The following MNDA variants were observed in gnomAD, a reference collection of about 807,000 sequenced individuals.
MNDA encodes the protein epididymis secretory sperm binding protein.
In MNDA, 43 loss-of-function variants were observed where a neutral mutation model predicts 37.8. The ratio of observed to expected loss-of-function variants is 1.14; its 90% CI spans 0.89 to 1.47. The LOEUF is 1.47. Ranked by LOEUF, MNDA falls within the 40% of genes most tolerant of loss-of-function variation. The pLI, the probability that MNDA is intolerant of heterozygous loss-of-function variation, is 0.00. For missense variants in MNDA, 536 were observed against 476.0 expected (o/e 1.13, Z -1.17); for synonymous variants, 181 against 169.0 (o/e 1.07, Z -0.55).
At chr1:158,843,557 A>G in intron 3 of MNDA, 142 bp downstream of exon 3, 3 of 923,964 alleles carry the variant, frequency 3.2e-6, no homozygotes, top group Non-Finnish European at 3.1e-6. Flanking sequence ...GTAAAGAGTT[A>G]GGTATCGTAA....
chr1:158,844,003 G>T lies in MNDA; in HGVS notation c.451G>T (p.Val151Leu). Residue 151 changes from valine to leucine, a missense_variant, in exon 4 of 7, where the codon GTG becomes TTG. Transcript: ENST00000368141. ...KEKTEAKRNK[V>L]SQEQSKPPGP... ...AAAGACTGAAGCCAAAAGGAATAAG[G>T]TGTCCCAAGAGCAGAGTAAGCCCCC... 6.2e-7 allele frequency: 1 copy of T among 1,612,094 alleles called. No homozygotes were observed. The highest frequency in any genetic ancestry group is 8.5e-7 in the Non-Finnish European group (1 of 1,179,414).
intron 1 of MNDA, among the ~76,000 whole-genome samples, chr1:158,837,857 C>G (rs1040013264): frequency 2.0e-5 from 3 of 148,992 alleles, no homozygotes; most frequent in African/African-American, 7.4e-5. Flanking sequence ...TTATGTTCTT[C>G]TATTCCTTTG....
At chr1:158,846,288 G>C (rs1659132579) in intron 5 of MNDA, among the ~76,000 whole-genome samples, 1 of 152,206 alleles carries the variant, frequency 6.6e-6, no homozygotes, top group African/African-American at 2.4e-5. Flanking sequence ...ATCAACGGGA[G>C]CAAGCTAATA....
chr1:158,831,652 G>A (rs1571647911), intron 1 of MNDA, 95 bp downstream of exon 1: 1 of 152,252 alleles, frequency 6.6e-6, no homozygotes, highest in South Asian at 2.1e-4. Context: ...GACCAGAAGT[G>A]TTGTTATCAA....
At chr1:158,840,620 T>A (rs1402918623) in intron 1 of MNDA, among the ~76,000 whole-genome samples, 1 of 152,164 alleles carries the variant, frequency 6.6e-6, no homozygotes, top group African/African-American at 2.4e-5. Context: ...ACCGCACAAA[T>A]CTTTTCATCC....
intron 1 of MNDA, among the ~76,000 whole-genome samples, chr1:158,834,010 TG>T (rs551913229): frequency 9.1e-4 from 139 of 152,266 alleles, no homozygotes; most frequent in African/African-American, 3.1e-3. Flanking sequence ...TCACCAACAC[TG>T]GTTATTTTCT....
intron 1 of MNDA, among the ~76,000 whole-genome samples, chr1:158,840,825 T>C (rs1659017057): frequency 6.6e-6 from 1 of 152,182 alleles, no homozygotes. Flanking sequence ...TGCCCATGTG[T>C]GAAATTTCTC....
At position 158,849,173 on chromosome 1, in the gene MNDA, C is replaced by T. The variant is rs373639519; in HGVS notation, c.1177-17C>T. On this transcript the variant is annotated splice_polypyrimidine_tract_variant and intron_variant, in intron 6 of 6. Coordinates refer to ENST00000368141, the MANE Select transcript of MNDA (RefSeq NM_002432.3). ...ATATCTAGGGTCTCATTATGTCTTT[C>T]TTATCTCTCTTTAAAGGTCATCAAG... is the stretch of plus-strand genomic sequence containing the variant. 7.5e-6 allele frequency: 12 copies of T among 1,598,694 alleles called. No homozygotes were observed. In the African/African-American group the frequency reaches 1.5e-4, roughly 20 times the overall value.
intron 6 of MNDA, 41 bp downstream of exon 6, chr1:158,847,957 A>AAAT (rs1659174351): frequency 6.3e-7 from 1 of 1,577,632 alleles, no homozygotes; most frequent in Admixed American, 1.8e-5. Context: ...CTAAAGAGGC[A>AAAT]AATAATTTTG....
At chr1:158,842,964 AT>A (rs766320672) in intron 2 of MNDA, among the ~76,000 whole-genome samples, 82 of 152,322 alleles carry the variant, frequency 5.4e-4, no homozygotes, top group Non-Finnish European at 1.0e-3. Context: ...AGCCTTAGAT[AT>A]TTAAAAGAAA....
At position 158,842,102 on chromosome 1, in the gene MNDA, G is replaced by C. The variant is rs372938745; in HGVS notation, c.-20-32G>C. The C allele has an allele frequency of 3.9e-6, 6 of 1,529,488 alleles. No individual in the cohort carries two copies. In the African/African-American group the frequency reaches 8.4e-5, roughly 21 times the overall value. The allele number at this position is 1,529,488 out of a possible 1,614,324, so 94.7% of individuals were successfully genotyped here. On this transcript the variant is annotated intron_variant, in intron 1 of 6. Transcript: ENST00000368141. ...ATTTTTTAAAATTGTCTGCATAAAT[G>C]TGTAATGTTGTGTGTCATTTTTACT...
At chr1:158,847,946 G>A in intron 6 of MNDA, 30 bp downstream of exon 6, 2 of 1,586,078 alleles carry the variant, frequency 1.3e-6, no homozygotes, top group Non-Finnish European at 1.7e-6. Context: ...GAATGAGTTT[G>A]CTAAAGAGGC....
Position 158,843,269 on chromosome 1 carries a change from C to G in MNDA, c.266-10C>G. On this transcript the variant is annotated splice_polypyrimidine_tract_variant and intron_variant, in intron 2 of 6. Coordinates refer to ENST00000368141, the MANE Select transcript of MNDA (RefSeq NM_002432.3). ...AGGCCTATTGTGCCCTTTTTCTTTTCTTTTGTCAGTTGCTAAGAAAATTAA... is the reference window on the plus strand; with the variant it reads ...AGGCCTATTGTGCCCTTTTTCTTTTGTTTTGTCAGTTGCTAAGAAAATTAA... The G allele has an allele frequency of 6.2e-7, 1 of 1,600,020 alleles. No homozygotes were observed. The highest frequency in any genetic ancestry group is 8.5e-7 in the Non-Finnish European group (1 of 1,174,932).
intron 5 of MNDA, among the ~76,000 whole-genome samples, chr1:158,847,073 G>A (rs896795168): frequency 6.6e-6 from 1 of 152,136 alleles, no homozygotes; most frequent in African/African-American, 2.4e-5. Context: ...ACCAAATATT[G>A]TATGTTCTCA....
In MNDA at chr1:158,842,342, C is replaced by T. The variant is rs200974038; in HGVS notation, c.189C>T (p.Asp63=). The stretch of plus-strand genomic sequence containing the variant: ...AGTTCCAAGGCGTTGCCTGTCTAGA[C>T]AAACTAATAGAACTTGCCAAAGATA... ...EKKFQGVACL[D]KLIELAKDMP... Residue 63 remains aspartate (D), a synonymous_variant, in exon 2 of 7, where the codon GAC becomes GAT. Transcript: ENST00000368141. 1 of 1,614,058 alleles carries T rather than the reference C, an allele frequency of 6.2e-7. No homozygotes were observed.
At chr1:158,835,622 G>A (rs1280719116) in intron 1 of MNDA, among the ~76,000 whole-genome samples, 7 of 12,980 alleles carry the variant, frequency 5.4e-4, no homozygotes, top group African/African-American at 1.3e-3. Context: ...TGGTGGGGGC[G>A]GGGGGTGGGT....
At chr1:158,831,991 G>A (rs1658813724) in intron 1 of MNDA, among the ~76,000 whole-genome samples, 1 of 152,032 alleles carries the variant, frequency 6.6e-6, no homozygotes. Flanking sequence ...ATTTTAAAAA[G>A]CATAGACATG....
chr1:158,847,518 A>G (rs1410837459), intron 5 of MNDA, among the ~76,000 whole-genome samples: 1 of 152,124 alleles, frequency 6.6e-6, no homozygotes, highest in Non-Finnish European at 1.5e-5. Context: ...TTATTGTTGT[A>G]TAATTGCAGA....
chr1:158,842,631 G>A (rs1235827490), intron 2 of MNDA: 6 of 386,212 alleles, frequency 1.6e-5, no homozygotes, highest in Non-Finnish European at 2.8e-5. Context: ...TGTATTTGAG[G>A]TAAGGATAAA....
Sources: allele counts gnomAD v4.1 joint callset (sites outside exome capture counted in the v4.1 genomes callset), GRCh38; gene constraint gnomAD v4.1.1; transcripts MANE v1.5; gene names NCBI Gene and HGNC (gene_info 2026-07-23, HGNC 2026-07-21).